The following MAGI1 variants were observed in gnomAD, a reference collection of about 807,000 sequenced individuals.
MAGI1 encodes membrane associated guanylate kinase, WW and PDZ domain containing 1.
Under a neutral mutation model 139.9 loss-of-function variants are expected in MAGI1, and 58 were observed. The observed-to-expected ratio is 0.41, with a 90% CI of 0.34 to 0.52. The LOEUF (loss-of-function observed/expected upper bound fraction) is 0.52, where lower values mean the gene tolerates loss of function less well. Ranked by LOEUF, MAGI1 falls within the 20% of genes least tolerant of loss-of-function variation. The probability of loss-of-function intolerance (pLI) is 0.12; values close to 1 mark genes in which losing one functional copy is unlikely to be tolerated. For missense variants in MAGI1, 1,874 were observed against 1,901.6 expected, an observed-to-expected ratio of 0.99 and a Z score of 0.27; for synonymous variants, 812 against 737.9, an observed-to-expected ratio of 1.10 and a Z score of -1.63.
chr3:65,589,025 T>C (rs1263777775), intron 2 of MAGI1, among the ~76,000 whole-genome samples: 3 of 152,142 alleles, frequency 2.0e-5, no homozygotes, highest in Non-Finnish European at 2.9e-5. Context: ...AAGAGAACCA[T>C]CTAGGAAGTA....
At chr3:65,715,026 G>A (rs1188251612) in intron 1 of MAGI1, among the ~76,000 whole-genome samples, 3 of 151,516 alleles carry the variant, frequency 2.0e-5, no homozygotes, top group Non-Finnish European at 4.4e-5. Flanking sequence ...GGGGAGAGGG[G>A]TAGAGATGGT....
At chr3:65,813,597 C>A (rs2041419699) in intron 1 of MAGI1, among the ~76,000 whole-genome samples, 1 of 152,116 alleles carries the variant, frequency 6.6e-6, no homozygotes, top group Non-Finnish European at 1.5e-5. Context: ...TTGTTTCAAC[C>A]TTTCTGGGAG....
At chr3:65,566,518 C>T (rs1407890159) in intron 2 of MAGI1, among the ~76,000 whole-genome samples, 1 of 151,964 alleles carries the variant, frequency 6.6e-6, no homozygotes, top group Non-Finnish European at 1.5e-5. Flanking sequence ...GCATATACCT[C>T]CCACTAATAA....
chr3:65,423,393 C>A (rs1469885778), intron 12 of MAGI1, among the ~76,000 whole-genome samples: 1 of 152,192 alleles, frequency 6.6e-6, no homozygotes, highest in Admixed American at 6.5e-5. Context: ...CGCACACACA[C>A]ACACACAGAG....
chr3:65,685,299 T>C (rs745816738), intron 1 of MAGI1, among the ~76,000 whole-genome samples: 2 of 150,336 alleles, frequency 1.3e-5, no homozygotes, highest in South Asian at 2.1e-4. Flanking sequence ...CATGCTTGTA[T>C]ATTTCTTCAT....
intron 2 of MAGI1, among the ~76,000 whole-genome samples, chr3:65,515,907 C>T (rs1337603758): frequency 6.6e-6 from 1 of 152,214 alleles, no homozygotes. Context: ...GGTGAGAACA[C>T]ATCATAAAGT....
intron 2 of MAGI1, among the ~76,000 whole-genome samples, chr3:65,574,230 C>CAT (rs1308628180): frequency 8.2e-5 from 12 of 146,592 alleles, no homozygotes; most frequent in Admixed American, 6.2e-4. Context: ...CAGGTTTTTA[C>CAT]ATATATATAT....
At chr3:65,438,551 G>A (rs953900110) in intron 9 of MAGI1, among the ~76,000 whole-genome samples, 1 of 152,166 alleles carries the variant, frequency 6.6e-6, no homozygotes, top group Non-Finnish European at 1.5e-5. Flanking sequence ...CTAGAAAAGA[G>A]ACTAAGGTAG....
chr3:65,881,781 C>T (rs2060339517), intron 1 of MAGI1, among the ~76,000 whole-genome samples: 1 of 152,152 alleles, frequency 6.6e-6, no homozygotes, highest in East Asian at 1.9e-4. Flanking sequence ...TCCTAGTGTT[C>T]ATCCAAGCAC....
At chr3:65,425,108 T>TAAAAAAAAAAAA (rs72030632) in intron 12 of MAGI1, among the ~76,000 whole-genome samples, 9 of 66,560 alleles carry the variant, frequency 1.4e-4, no homozygotes, top group African/African-American at 3.6e-4. Context: ...GTAGAACTTC[T>TAAAAAAAAAAAA]AAAAAAAAAA....
chr3:65,403,939 G>A (rs1945118938), intron 12 of MAGI1, among the ~76,000 whole-genome samples: 1 of 152,206 alleles, frequency 6.6e-6, no homozygotes, highest in South Asian at 2.1e-4. Flanking sequence ...TAGGTTAAAA[G>A]GAATGAGCTA....
intron 1 of MAGI1, among the ~76,000 whole-genome samples, chr3:66,036,951 A>C (rs2107618253): frequency 1.3e-5 from 2 of 152,232 alleles, no homozygotes; most frequent in Admixed American, 1.3e-4. Flanking sequence ...GCAGCCAGCA[A>C]ATGCATCTTT....
intron 2 of MAGI1, among the ~76,000 whole-genome samples, chr3:65,510,017 C>G (rs2077499662): frequency 6.6e-6 from 1 of 152,152 alleles, no homozygotes; most frequent in South Asian, 2.1e-4. Context: ...AGCACCCTAA[C>G]TGGGAGGCAG....
chr3:65,359,596 C>A, intron 22 of MAGI1: 1 of 997,504 alleles, frequency 1.0e-6, no homozygotes, highest in Non-Finnish European at 1.2e-6. Context: ...AAGCAGGTTC[C>A]AATCAAGTCA....
chr3:65,460,378 T>G (rs1949692301), intron 5 of MAGI1, among the ~76,000 whole-genome samples: 2 of 152,332 alleles, frequency 1.3e-5, no homozygotes, highest in South Asian at 4.1e-4. Context: ...TAGAGTGTTC[T>G]TCCTCTTTTA....
At chr3:65,785,961 G>A (rs2039345003) in intron 1 of MAGI1, among the ~76,000 whole-genome samples, 1 of 150,524 alleles carries the variant, frequency 6.6e-6, no homozygotes, top group Non-Finnish European at 1.5e-5. Context: ...TCTTGAAACG[G>A]AGTCTCGCTC....
chr3:65,853,302 T>C (rs1382955384), intron 1 of MAGI1, among the ~76,000 whole-genome samples: 1 of 152,220 alleles, frequency 6.6e-6, no homozygotes, highest in African/African-American at 2.4e-5. Flanking sequence ...GGTAAACAGC[T>C]CAACTGAAAC....
At chr3:65,983,680 G>A (rs9853834) in intron 1 of MAGI1, among the ~76,000 whole-genome samples, 1,827 of 151,652 alleles carry the variant, frequency 0.012, 35 homozygotes, top group African/African-American at 0.041. Context: ...CAATTATTCT[G>A]TCACTTATTC....
chr3:65,631,848 AC>A (rs1276307008), intron 1 of MAGI1, among the ~76,000 whole-genome samples: 4 of 152,084 alleles, frequency 2.6e-5, no homozygotes, highest in African/African-American at 9.6e-5. Context: ...ACATGGTGAA[AC>A]CCCACCTCTA....
Sources: gnomAD v4.1 joint callset for allele counts (sites outside exome capture counted in the v4.1 genomes callset) on GRCh38, gnomAD v4.1.1 for gene constraint, MANE v1.5 for transcripts, NCBI Gene and HGNC (gene_info 2026-07-23, HGNC 2026-07-21) for gene names.